The following ZAR1L variants were observed in gnomAD, a reference collection of about 807,000 sequenced individuals.
The protein encoded by ZAR1L is protein ZAR1-like.
In ZAR1L, 16 loss-of-function variants were observed where a neutral mutation model predicts 30.0. The observed-to-expected ratio is 0.53, with a 90% CI of 0.36 to 0.81. ZAR1L has a LOEUF of 0.81. Among genes scored for constraint, ZAR1L ranks in the 30% least tolerant of loss-of-function variants. ZAR1L has a pLI of 0.00. For missense variants in ZAR1L, 392 were observed against 417.2 expected (o/e 0.94, Z 0.53); for synonymous variants, 197 against 166.8 (o/e 1.18, Z -1.40).
At chr13:32,313,763 T>G (rs1473735585) in intron 2 of ZAR1L, among the ~76,000 whole-genome samples, 1 of 152,216 alleles carries the variant, frequency 6.6e-6, no homozygotes, top group African/African-American at 2.4e-5. Context: ...TGAGAAAGTC[T>G]ATTATGGTGG....
In ZAR1L at chr13:32,311,945, C is replaced by T. The variant is rs1363786712; in HGVS notation, c.-20G>A. ...CTCCATCCGCTCTCAGGTGCTCAGG[C>T]GCAGTCTAATATCCTAGCCAGTTTG... On this transcript the variant is annotated 5_prime_UTR_variant, in exon 3 of 6. Transcript: ENST00000533490. 2.0e-6 allele frequency: 3 copies of T among 1,531,086 alleles called. No individual in the cohort carries two copies. Among genetic ancestry groups the T allele is most frequent in the Admixed American group, 2.0e-5 (1 of 49,190 alleles). 94.8% of individuals were successfully genotyped at this position (1,531,086 alleles called of 1,614,324 possible).
chr13:32,310,851 C>G, intron 3 of ZAR1L, 120 bp from the exon 4 acceptor site: 1 of 697,556 alleles, frequency 1.4e-6, no homozygotes, highest in Non-Finnish European at 2.5e-6. Flanking sequence ...TATCTATTCT[C>G]AAGACTACGG....
At chr13:32,310,542 G>T in intron 4 of ZAR1L, 97 bp downstream of exon 4, 1 of 837,350 alleles carries the variant, frequency 1.2e-6, no homozygotes, top group Non-Finnish European at 2.0e-6. Flanking sequence ...ATCAAGACAG[G>T]ACTATGACAG....
chr13:32,309,112 T>G (rs889216677), intron 4 of ZAR1L, among the ~76,000 whole-genome samples: 7 of 151,758 alleles, frequency 4.6e-5, no homozygotes, highest in African/African-American at 1.7e-4. Flanking sequence ...TGCCTCAGCC[T>G]CCTGAGTTGC....
intron 5 of ZAR1L, among the ~76,000 whole-genome samples, chr13:32,304,580 G>A (rs887405812): frequency 6.6e-6 from 1 of 152,198 alleles, no homozygotes; most frequent in African/African-American, 2.4e-5. Context: ...AACTGGGAGA[G>A]AAGGGTATTC....
chr13:32,314,780 A>C (rs2072237847), intron 1 of ZAR1L, among the ~76,000 whole-genome samples: 1 of 152,112 alleles, frequency 6.6e-6, no homozygotes. Context: ...TGATCCCTGG[A>C]GGCGGAAGTT....
At chr13:32,312,245 A>G (rs1316552198) in intron 2 of ZAR1L, among the ~76,000 whole-genome samples, 152 bp from the exon 3 acceptor site, 1 of 152,082 alleles carries the variant, frequency 6.6e-6, no homozygotes, top group African/African-American at 2.4e-5. Context: ...TTAATTAGTG[A>G]TTAATTCATA....
intron 4 of ZAR1L, among the ~76,000 whole-genome samples, chr13:32,309,888 T>C (rs1402180384): frequency 6.6e-6 from 1 of 152,234 alleles, no homozygotes; most frequent in African/African-American, 2.4e-5. Flanking sequence ...AGAAATCAAG[T>C]TTTCATCCGG....
At chr13:32,304,657 T>C (rs2072160959) in intron 5 of ZAR1L, among the ~76,000 whole-genome samples, 4 of 152,194 alleles carry the variant, frequency 2.6e-5, no homozygotes, top group Admixed American at 1.3e-4. Context: ...GGATCTAAAA[T>C]AGTTTCTTTC....
rs1258658915 is a variant in ZAR1L, at chr13:32,311,712, GA to G, written c.213del (p.Leu72SerfsTer4). On this transcript the variant is annotated frameshift_variant, in exon 3 of 6. Transcript: ENST00000533490. LOFTEE classifies it high-confidence loss of function. ...DPYKRAQLKA[I>X]LSQMNPSLSP... ...CTCAGGCTGGGGTTCATCTGGGAGA[GA>G]ATGGCCTTAAGCTGCGCCCTCTTGT... 6.4e-7 allele frequency: 1 copy of G among 1,551,548 alleles called. No homozygotes were observed. Among genetic ancestry groups the G allele is most frequent in the Non-Finnish European group, 8.7e-7 (1 of 1,147,016 alleles).
At chr13:32,307,799 A>C (rs1387795131) in intron 5 of ZAR1L, among the ~76,000 whole-genome samples, 1 of 151,972 alleles carries the variant, frequency 6.6e-6, no homozygotes, top group Non-Finnish European at 1.5e-5. Context: ...AATGTCAATT[A>C]ATTTATTAAT....
rs956469932 is a variant in ZAR1L at position 32,311,351 on chromosome 13, G to A, written c.575C>T (p.Ala192Val). The A allele has an allele frequency of 8.4e-6, 13 of 1,550,974 alleles. No homozygotes were observed. The highest frequency in any genetic ancestry group is 1.1e-5 in the Non-Finnish European group (13 of 1,146,984). Residue 192 changes from alanine (A) to valine (V), a missense_variant, in exon 3 of 6, where the codon GCC (alanine) becomes GTC (valine). By Grantham distance (64) the Ala-to-Val change is moderately conservative (BLOSUM62 0). Coordinates refer to ENST00000533490, the MANE Select transcript of ZAR1L (RefSeq NM_001136571.2). The stretch of plus-strand genomic sequence containing the variant: ...GCTCTTCGTCTCCTGAGGGCACGGG[G>A]CGTCTTTCTCCCCCGATTCCTCCAG... ...GQLEESGEKD[A>V]PCPQETKSKQ...
rs1305449366 is a variant in ZAR1L at position 32,311,410 on chromosome 13, C to T, written c.516G>A (p.Arg172=). The change falls in exon 3 of 6, where the codon AGG becomes AGA. Residue 172 remains arginine, a synonymous_variant. Coordinates refer to ENST00000533490, the MANE Select transcript of ZAR1L (RefSeq NM_001136571.2). ...EASQPQPPSR[R]SGADRQEEPG... is the part of the protein sequence containing the mutation. ...GCTCCTCCTGCCTGTCAGCTCCTGACCTCCGTGATGGTGGCTGCGGCTGGC... is the reference window on the plus strand; with the variant it reads ...GCTCCTCCTGCCTGTCAGCTCCTGATCTCCGTGATGGTGGCTGCGGCTGGC... 4.5e-6 allele frequency: 7 copies of T among 1,550,302 alleles called. No individual in the cohort carries two copies. The highest frequency in any genetic ancestry group is 6.1e-6 in the Non-Finnish European group (7 of 1,146,946).
Position 32,311,962 on chromosome 13 carries a change from G to A in ZAR1L, c.-37C>T. 6.7e-7 allele frequency: 1 copy of A among 1,494,638 alleles called. No individual in the cohort carries two copies. Among genetic ancestry groups the A allele is most frequent in the Non-Finnish European group, 8.9e-7 (1 of 1,118,288 alleles). The allele number at this position is 1,494,638 out of a possible 1,614,324, so 92.6% of individuals were successfully genotyped here. On this transcript the variant is annotated 5_prime_UTR_variant, in exon 3 of 6. Transcript: ENST00000533490. ...TGCTCAGGCGCAGTCTAATATCCTA[G>A]CCAGTTTGTTTGGGTCCTTATTTTG...
intron 3 of ZAR1L, 41 bp downstream of exon 3, chr13:32,311,231 G>A: frequency 6.7e-7 from 1 of 1,499,114 alleles, no homozygotes; most frequent in South Asian, 1.3e-5. Flanking sequence ...GGGAGGGGAT[G>A]AGGCTGGTCG....
chr13:32,314,115 T>C (rs1477599633), intron 2 of ZAR1L, among the ~76,000 whole-genome samples: 1 of 152,256 alleles, frequency 6.6e-6, no homozygotes. Flanking sequence ...AGATTAAACA[T>C]GGTATTGCTT....
chr13:32,311,307 C>T lies in ZAR1L; in HGVS notation c.619G>A (p.Ala207Thr), dbSNP rs1424207944. The T allele has an allele frequency of 2.1e-5, 32 of 1,548,926 alleles. No homozygotes were observed. In the East Asian group the frequency reaches 6.8e-4, roughly 33 times the overall value. ...ETKSKQVPGD[A>T]ASEPLRRPNF... ...GGCCTCCGGAGCGGCTCGGAGGCGGCGTCTCCAGGCACCTGCTTGCTCTTC... is the reference window on the plus strand; with the variant it reads ...GGCCTCCGGAGCGGCTCGGAGGCGGTGTCTCCAGGCACCTGCTTGCTCTTC... The change falls in exon 3 of 6, where the codon GCC becomes ACC. Residue 207 changes from alanine to threonine, a missense_variant. Ala to Thr is a moderately conservative substitution (Grantham distance 58, BLOSUM62 0). Transcript: ENST00000533490.
At chr13:32,305,140 G>T (rs866378370) in intron 5 of ZAR1L, among the ~76,000 whole-genome samples, 1 of 151,842 alleles carries the variant, frequency 6.6e-6, no homozygotes, top group Admixed American at 6.6e-5. Flanking sequence ...TGTGAAAATA[G>T]ACATTTTTAT....
chr13:32,304,330 G>T (rs1162360901), intron 5 of ZAR1L, among the ~76,000 whole-genome samples: 1 of 152,206 alleles, frequency 6.6e-6, no homozygotes, highest in African/African-American at 2.4e-5. Context: ...TACATTTGTA[G>T]CTGAACCAGT....
Sources: allele counts gnomAD v4.1 joint callset (sites outside exome capture counted in the v4.1 genomes callset), GRCh38; gene constraint gnomAD v4.1.1; transcripts MANE v1.5; gene names NCBI Gene and HGNC (gene_info 2026-07-23, HGNC 2026-07-21).